The following ANOS1 variants were observed in gnomAD, a reference collection of about 807,000 sequenced individuals.
ANOS1 encodes anosmin 1.
A neutral mutation model predicts 59.0 loss-of-function variants in ANOS1; 6 were observed. The observed-to-expected ratio is 0.10, with a 90% CI of 0.06 to 0.20. The LOEUF (loss-of-function observed/expected upper bound fraction) is 0.20, where lower values mean the gene tolerates loss of function less well. ANOS1 is among the 10% of genes least tolerant of loss of function. The pLI is 1.00. For missense variants in ANOS1, 433 were observed against 542.3 expected (o/e 0.80, Z 2.00); for synonymous variants, 217 against 223.4 (o/e 0.97, Z 0.25).
chrX:8,577,988 C>T (rs1791875623), intron 6 of ANOS1, among the ~76,000 whole-genome samples: 1 of 111,585 alleles, frequency 9.0e-6, no homozygotes, highest in Admixed American at 9.5e-5. Context: ...AAGAGAGCAA[C>T]GATTATAGAT....
intron 2 of ANOS1, among the ~76,000 whole-genome samples, chrX:8,673,264 T>C (rs935198554): frequency 1.9e-5 from 2 of 108,045 alleles, no homozygotes; most frequent in East Asian, 2.9e-4. Flanking sequence ...AGCTTTTAAA[T>C]TGGCAGGCCA....
chrX:8,571,283 C>T (rs1194529462), intron 6 of ANOS1, among the ~76,000 whole-genome samples: 1 of 110,906 alleles, frequency 9.0e-6, no homozygotes, highest in African/African-American at 3.3e-5. Flanking sequence ...ACCACGGCAA[C>T]CCAGCCAAAT....
At chrX:8,719,073 C>G (rs1488034144) in intron 1 of ANOS1, among the ~76,000 whole-genome samples, 2 of 111,932 alleles carry the variant, frequency 1.8e-5, no homozygotes, top group Non-Finnish European at 3.8e-5. Flanking sequence ...GAAATGCAAT[C>G]CTCCTTGGCA....
intron 13 of ANOS1, 141 bp downstream of exon 13, chrX:8,534,178 A>G: frequency 1.6e-6 from 1 of 619,568 alleles, no homozygotes; most frequent in Admixed American, 2.7e-5. Flanking sequence ...AAACAGGGAG[A>G]AAGAATTTCA....
At chrX:8,576,686 A>G (rs1460826694) in intron 6 of ANOS1, among the ~76,000 whole-genome samples, 1 of 110,605 alleles carries the variant, frequency 9.0e-6, no homozygotes, top group African/African-American at 3.3e-5. Flanking sequence ...TATATGTCCA[A>G]GGTCATTCAC....
At chrX:8,559,664 G>C (rs1259778544) in intron 8 of ANOS1, among the ~76,000 whole-genome samples, 3 of 111,219 alleles carry the variant, frequency 2.7e-5, no homozygotes, top group African/African-American at 9.8e-5. Flanking sequence ...CAAACCTGCT[G>C]GTTTTCTTTG....
chrX:8,723,404 CATAA>C (rs1410084983), intron 1 of ANOS1, among the ~76,000 whole-genome samples: 1 of 111,912 alleles, frequency 8.9e-6, no homozygotes, highest in Non-Finnish European at 1.9e-5. Flanking sequence ...AGGCTAAGGA[CATAA>C]ATAAACAATT....
At chrX:8,560,481 G>A (rs950887463) in intron 8 of ANOS1, among the ~76,000 whole-genome samples, 4 of 112,026 alleles carry the variant, frequency 3.6e-5, no homozygotes, top group African/African-American at 1.3e-4. Flanking sequence ...CTCAATTACT[G>A]TTGTACCCCC....
rs1367160971 is a variant in ANOS1 at position 8,531,718 on chromosome X, C to CAT, written c.*1275_*1276dup. On this transcript the variant is annotated 3_prime_UTR_variant, in exon 14 of 14. Coordinates refer to ENST00000262648, the MANE Select transcript of ANOS1 (RefSeq NM_000216.4). ...ATACATGTATATGTACATATATTTG[C>CAT]ATATATATACACATGCATTTATAAT... is the stretch of plus-strand genomic sequence containing the variant. 2 of 110,838 alleles carry CAT rather than the reference C, an allele frequency of 1.8e-5. No individual in the cohort carries two copies. The highest frequency in any genetic ancestry group is 3.8e-5 in the Non-Finnish European group (2 of 52,920). The allele number at this position is 110,838 out of a possible 1,213,427, so 9.1% of individuals were successfully genotyped here.
At chrX:8,687,556 T>C (rs1161349674) in intron 2 of ANOS1, among the ~76,000 whole-genome samples, 1 of 108,044 alleles carries the variant, frequency 9.3e-6, no homozygotes, top group Non-Finnish European at 1.9e-5. Context: ...TGATTTCATT[T>C]TCCAACCCAG....
chrX:8,634,281 A>G (rs1931537748), intron 2 of ANOS1, among the ~76,000 whole-genome samples: 1 of 111,092 alleles, frequency 9.0e-6, no homozygotes, highest in South Asian at 3.8e-4. Context: ...CACATAGTAT[A>G]TATGTATACG....
intron 6 of ANOS1, among the ~76,000 whole-genome samples, chrX:8,573,238 A>G (rs1930264327): frequency 9.2e-6 from 1 of 109,242 alleles, no homozygotes; most frequent in South Asian, 4.1e-4. Flanking sequence ...TAATTTTTGT[A>G]TTTTTGTAGA....
intron 2 of ANOS1, among the ~76,000 whole-genome samples, chrX:8,629,561 G>C (rs1045080315): frequency 1.6e-4 from 18 of 111,577 alleles, no homozygotes; most frequent in Non-Finnish European, 9.4e-5. Flanking sequence ...GAATGCCCTA[G>C]GTGTTACGCA....
intron 3 of ANOS1, among the ~76,000 whole-genome samples, chrX:8,622,939 GATGA>G (rs1931317500): frequency 8.9e-6 from 1 of 111,881 alleles, no homozygotes; most frequent in African/African-American, 3.3e-5. Context: ...TGGCTGGATG[GATGA>G]ATGGATGGAT....
chrX:8,594,152 A>T (rs1442542886), intron 4 of ANOS1, among the ~76,000 whole-genome samples: 1 of 111,365 alleles, frequency 9.0e-6, no homozygotes, highest in East Asian at 2.8e-4. Context: ...AGAGAGCAGG[A>T]CTAGATAATC....
chrX:8,568,341 T>C lies in ANOS1; in HGVS notation c.1098A>G (p.Pro366=). The change falls in exon 8 of 14, where the codon CCA becomes CCG. Residue 366 remains proline (P), a synonymous_variant. Transcript: ENST00000262648. ...GCAATTCCACAACATAGTCACAGTC[T>C]GGCTGGAGTTTCTCCAGGATCACAG... ...QNSVILEKLQ[P]DCDYVVELQA... The C allele has an allele frequency of 2.5e-6, 3 of 1,210,420 alleles. No homozygotes were observed. Among genetic ancestry groups the C allele is most frequent in the South Asian group, 1.8e-5 (1 of 56,962 alleles).
chrX:8,652,785 GCATAACCAGT>G (rs1416387082), intron 2 of ANOS1, among the ~76,000 whole-genome samples: 1 of 111,409 alleles, frequency 9.0e-6, no homozygotes, highest in Non-Finnish European at 1.9e-5. Flanking sequence ...AATTGCATGA[GCATAACCAGT>G]CCTCTGTCCA....
chrX:8,653,629 C>A (rs183726476), intron 2 of ANOS1, among the ~76,000 whole-genome samples: 1 of 111,626 alleles, frequency 9.0e-6, no homozygotes, highest in Admixed American at 9.6e-5. Flanking sequence ...CCTTACTTGT[C>A]GGAAAATAAA....
intron 1 of ANOS1, among the ~76,000 whole-genome samples, chrX:8,718,615 AC>A (rs1932855225): frequency 9.0e-6 from 1 of 111,379 alleles, no homozygotes; most frequent in Admixed American, 9.5e-5. Context: ...ATTGGTTTCA[AC>A]TCTAGGGGCC....
Sources: allele counts gnomAD v4.1 joint callset (sites outside exome capture counted in the v4.1 genomes callset), GRCh38; gene constraint gnomAD v4.1.1; transcripts MANE v1.5; gene names NCBI Gene and HGNC (gene_info 2026-07-23, HGNC 2026-07-21).